Variants in ADAM18 observed in about 807,000 individuals in gnomAD.
ADAM18 encodes disintegrin and metalloproteinase domain-containing protein 18.
ADAM18 carries 117 observed loss-of-function variants against 94.4 expected under a neutral mutation model. That is an observed-to-expected ratio of 1.24 (90% CI 1.07 to 1.45). The LOEUF (loss-of-function observed/expected upper bound fraction) is 1.45. ADAM18 is among the 40% of genes most tolerant of loss of function. ADAM18 has a pLI of 0.00. For synonymous variants in ADAM18, 327 were observed against 291.6 expected, an observed-to-expected ratio of 1.12 and a Z score of -1.24; for missense variants, 936 against 880.0, an observed-to-expected ratio of 1.06 and a Z score of -0.81.
intron 19 of ADAM18, among the ~76,000 whole-genome samples, chr8:39,728,678 A>T (rs1249704771): frequency 6.6e-6 from 1 of 152,172 alleles, no homozygotes; most frequent in Non-Finnish European, 1.5e-5. Context: ...TTTGGAAGTT[A>T]TTTTTTTATG....
intron 11 of ADAM18, among the ~76,000 whole-genome samples, chr8:39,646,672 A>C (rs1477371000): frequency 6.6e-6 from 1 of 152,176 alleles, no homozygotes; most frequent in Non-Finnish European, 1.5e-5. Context: ...GTTCAATATC[A>C]CATACAGTAT....
Position 39,629,363 on chromosome 8 carries a change from T to C in ADAM18, c.523-11T>C. 2 of 1,547,042 alleles carry C rather than the reference T, an allele frequency of 1.3e-6. No individual in the cohort carries two copies. The highest frequency in any genetic ancestry group is 1.8e-6 in the Non-Finnish European group (2 of 1,132,756). Reference sequence around the variant, plus strand: ...TAACATTTTATAAATCCCGTTGTTGTTGTTTTCCAGATAAAAAATCTTTCA... The same window carrying C: ...TAACATTTTATAAATCCCGTTGTTGCTGTTTTCCAGATAAAAAATCTTTCA... On this transcript the variant is annotated splice_polypyrimidine_tract_variant and intron_variant, in intron 6 of 19. Coordinates refer to ENST00000265707, the MANE Select transcript of ADAM18 (RefSeq NM_014237.3).
At chr8:39,700,891 GA>G (rs1317315165) in intron 17 of ADAM18, among the ~76,000 whole-genome samples, 2 of 151,394 alleles carry the variant, frequency 1.3e-5, no homozygotes, top group Admixed American at 6.6e-5. Context: ...GAGGCGGGCG[GA>G]TCACGAGGTC....
intron 18 of ADAM18, among the ~76,000 whole-genome samples, chr8:39,714,967 T>A (rs1242985767): frequency 6.6e-6 from 1 of 152,096 alleles, no homozygotes; most frequent in Admixed American, 6.6e-5. Context: ...AATACCATGA[T>A]CAGTCAACTT....
At chr8:39,659,579 T>A (rs1820779850) in intron 12 of ADAM18, among the ~76,000 whole-genome samples, 1 of 152,072 alleles carries the variant, frequency 6.6e-6, no homozygotes, top group Non-Finnish European at 1.5e-5. Context: ...TATGCACATA[T>A]CCATCCATAG....
At chr8:39,662,456 A>G (rs1223616874) in intron 12 of ADAM18, among the ~76,000 whole-genome samples, 1 of 152,228 alleles carries the variant, frequency 6.6e-6, no homozygotes, top group African/African-American at 2.4e-5. Flanking sequence ...TTCAAAATTA[A>G]GAAGAATCCT....
intron 12 of ADAM18, among the ~76,000 whole-genome samples, chr8:39,654,938 C>T (rs117603307): frequency 0.015 from 2,215 of 152,164 alleles, 26 homozygotes; most frequent in Non-Finnish European, 0.022. Flanking sequence ...TTATATTAAG[C>T]TATTATCAAA....
chr8:39,590,728 C>A (rs1818547127), intron 2 of ADAM18, among the ~76,000 whole-genome samples: 1 of 152,108 alleles, frequency 6.6e-6, no homozygotes, highest in Admixed American at 6.6e-5. Flanking sequence ...TAACATTTTA[C>A]ATTGATAAAT....
intron 16 of ADAM18, among the ~76,000 whole-genome samples, chr8:39,689,357 AG>A (rs1184022925): frequency 6.6e-6 from 1 of 152,154 alleles, no homozygotes; most frequent in Non-Finnish European, 1.5e-5. Context: ...ATCTGTCTTA[AG>A]TTAATTTCTG....
chr8:39,724,829 A>G (rs1313269351), intron 19 of ADAM18, among the ~76,000 whole-genome samples: 4 of 151,960 alleles, frequency 2.6e-5, no homozygotes, highest in Non-Finnish European at 5.9e-5. Context: ...AGTTAGAAGT[A>G]TATTGTTTAA....
At chr8:39,611,518 G>T in intron 6 of ADAM18, 1 of 985,024 alleles carries the variant, frequency 1.0e-6, no homozygotes, top group Non-Finnish European at 1.2e-6. Context: ...TCTCGATTTT[G>T]TAGTTCATTA....
intron 6 of ADAM18, among the ~76,000 whole-genome samples, chr8:39,619,133 A>G (rs548886490): frequency 6.6e-6 from 1 of 152,232 alleles, no homozygotes; most frequent in Non-Finnish European, 1.5e-5. Context: ...AATCACAAAT[A>G]TCTTTGCACC....
intron 18 of ADAM18, among the ~76,000 whole-genome samples, chr8:39,717,097 G>T (rs1314535738): frequency 6.6e-6 from 1 of 151,732 alleles, no homozygotes; most frequent in Admixed American, 6.6e-5. Context: ...CTTTTTGTGT[G>T]TGTGAAATTT....
Position 39,706,875 on chromosome 8 carries a change from G to A in ADAM18, c.1988G>A (p.Ser663Asn). The change falls in exon 18 of 20, where the codon AGT becomes AAT. Residue 663 changes from serine to asparagine, a missense_variant. Coordinates refer to ENST00000265707, the MANE Select transcript of ADAM18 (RefSeq NM_014237.3). Reference protein sequence around the residue: ...CKFQFGSPGGSIDDGNFQKSG... With the variant: ...CKFQFGSPGGNIDDGNFQKSG... ...TTCCAGTTTGGTTCCCCAGGGGGTA[G>A]TATTGATGATGGAAATTTTCAGAAA... 2 of 1,604,514 alleles carry A rather than the reference G, an allele frequency of 1.2e-6. No homozygotes were observed. Among genetic ancestry groups the A allele is most frequent in the East Asian group, 2.2e-5 (1 of 44,790 alleles).
chr8:39,637,990 T>C (rs1410844657), intron 9 of ADAM18, among the ~76,000 whole-genome samples: 1 of 152,004 alleles, frequency 6.6e-6, no homozygotes, highest in East Asian at 1.9e-4. Context: ...CCTTAGTTTA[T>C]GAATGATGTA....
intron 2 of ADAM18, among the ~76,000 whole-genome samples, chr8:39,591,871 T>C (rs894363667): frequency 6.6e-6 from 1 of 152,198 alleles, no homozygotes; most frequent in East Asian, 1.9e-4. Context: ...GACTTGAAAG[T>C]CAAAATAGCT....
chr8:39,620,840 A>G (rs1819594314), intron 6 of ADAM18, among the ~76,000 whole-genome samples: 1 of 151,798 alleles, frequency 6.6e-6, no homozygotes, highest in Admixed American at 6.6e-5. Context: ...AGAGTGTGGA[A>G]TGATAGACAA....
rs1240861531 is a variant in ADAM18, at chr8:39,699,422, G to C, written c.1902+6742G>C. On this transcript the variant is annotated intron_variant, in intron 17 of 19. Coordinates refer to ENST00000265707, the MANE Select transcript of ADAM18 (RefSeq NM_014237.3). ...TTTTCCATTAATATCTTACTTGAAT[G>C]AATCGTATTAGTGAATTTCCTAAAG... 2.6e-5 allele frequency among the ~76,000 whole-genome samples: 4 copies of C among 151,864 alleles called. No homozygotes were observed. The South Asian group carries it at 8.3e-4, about 31-fold the overall frequency.
intron 12 of ADAM18, among the ~76,000 whole-genome samples, chr8:39,650,408 A>T (rs986597371): frequency 5.5e-4 from 83 of 152,222 alleles, no homozygotes; most frequent in African/African-American, 1.9e-3. Context: ...CTAGTGTCCA[A>T]CAAAAATTTA....
Sources: allele counts gnomAD v4.1 joint callset (sites outside exome capture counted in the v4.1 genomes callset), GRCh38; gene constraint gnomAD v4.1.1; transcripts MANE v1.5; gene names NCBI Gene and HGNC (gene_info 2026-07-23, HGNC 2026-07-21).